Variants in SLC2A7 observed in about 807,000 individuals in gnomAD.
SLC2A7 encodes solute carrier family 2 member 7, also known as solute carrier family 2, facilitated glucose transporter member 7.
In SLC2A7, 50 loss-of-function variants were observed where a neutral mutation model predicts 50.5. The observed-to-expected ratio is 0.99, with a 90% CI of 0.79 to 1.25. The LOEUF (loss-of-function observed/expected upper bound fraction) is 1.25, where lower values mean the gene tolerates loss of function less well. SLC2A7 is among the 50% of genes most tolerant of loss of function. SLC2A7 has a pLI of 0.00. For synonymous variants in SLC2A7, 308 were observed against 300.4 expected (o/e 1.03, Z -0.26); for missense variants, 683 against 679.1 (o/e 1.01, Z -0.06).
intron 5 of SLC2A7, among the ~76,000 whole-genome samples, chr1:9,017,410 G>A (rs1413259243): frequency 0.014 from 7 of 488 alleles, no homozygotes; most frequent in Admixed American, 0.042. Flanking sequence ...GTCATAAAAG[G>A]CCCCCTATTC....
In SLC2A7 at chr1:9,004,516, G is replaced by T. The variant is rs566584444; in HGVS notation, c.1320+236C>A. 2.6e-5 allele frequency among the ~76,000 whole-genome samples: 4 copies of T among 151,712 alleles called. No homozygotes were observed. In the East Asian group the frequency reaches 7.7e-4, roughly 29 times the overall value. ...TGGCGCCTTTGAGCTCCGCGGACCA[G>T]AGCCCCTAAGCAATAGCCCTTTACA... On this transcript the variant is annotated intron_variant, in intron 11 of 11. Coordinates refer to ENST00000400906, the MANE Select transcript of SLC2A7 (RefSeq NM_207420.3).
downstream of SLC2A7, among the ~76,000 whole-genome samples, chr1:8,998,657 C>G (rs1640538550): frequency 6.6e-6 from 1 of 152,116 alleles, no homozygotes; most frequent in Non-Finnish European, 1.5e-5. Context: ...TTGTCAATTT[C>G]TAACCCCATC....
downstream of SLC2A7, among the ~76,000 whole-genome samples, chr1:8,998,445 G>A (rs763822858): frequency 6.6e-6 from 1 of 152,010 alleles, no homozygotes; most frequent in Non-Finnish European, 1.5e-5. Flanking sequence ...GTCTGTATAG[G>A]TGTGGGTCTA....
At chr1:9,019,915 C>G (rs1291531693) in intron 3 of SLC2A7, among the ~76,000 whole-genome samples, 1 of 151,986 alleles carries the variant, frequency 6.6e-6, no homozygotes, top group Non-Finnish European at 1.5e-5. Flanking sequence ...CAGAGCAAGA[C>G]TCCAACTCAA....
Position 9,010,125 on chromosome 1 carries a change from C to G in SLC2A7, c.1116+18G>C. The G allele has an allele frequency of 1.3e-6, 2 of 1,545,222 alleles. No homozygotes were observed. The highest frequency in any genetic ancestry group is 1.8e-6 in the Non-Finnish European group (2 of 1,141,248). On this transcript the variant is annotated intron_variant, in intron 9 of 11. Coordinates refer to ENST00000400906, the MANE Select transcript of SLC2A7 (RefSeq NM_207420.3). ...TCCCCATGACTCCCCACCCAGGGGG[C>G]AGGAAATGAGGTCAGACCTGGAATA... is the stretch of plus-strand genomic sequence containing the variant.
At chr1:9,015,380 T>C (rs1019472451) in intron 5 of SLC2A7, 138 bp from the exon 6 acceptor site, 1 of 1,131,398 alleles carries the variant, frequency 8.8e-7, no homozygotes, top group Non-Finnish European at 1.2e-6. Flanking sequence ...CTCCTACAAA[T>C]GGTTTCCACA....
In SLC2A7 at chr1:9,019,111, G is replaced by A. The variant is rs573529740; in HGVS notation, c.436+98C>T. ...ATGGGAGGACGTCTTGAAATGAAAA[G>A]AGGCAGAGCCAGGCAGACACCTCAT... On this transcript the variant is annotated intron_variant, in intron 4 of 11. Coordinates refer to ENST00000400906, the MANE Select transcript of SLC2A7 (RefSeq NM_207420.3). 28 of 1,484,558 alleles carry A rather than the reference G, an allele frequency of 1.9e-5. 1 individual carries two copies. In the East Asian group the frequency reaches 6.5e-4, roughly 35 times the overall value. 92.0% of individuals were successfully genotyped at this position (1,484,558 alleles called of 1,614,324 possible).
At chr1:8,993,004 G>A in the SLC2A7 span, among the ~76,000 whole-genome samples, 1 of 152,220 alleles carries the variant, frequency 6.6e-6, no homozygotes, top group Non-Finnish European at 1.5e-5. Context: ...TTGCAGATCT[G>A]GGTAAAGGAT....
At position 9,024,966 on chromosome 1, in the gene SLC2A7, T is replaced by A; in HGVS notation, c.150+10A>T. The A allele has an allele frequency of 6.2e-7, 1 of 1,613,738 alleles. No homozygotes were observed. Among genetic ancestry groups the A allele is most frequent in the Non-Finnish European group, 8.5e-7 (1 of 1,179,774 alleles). ...CTGCCCGGCCCACCTTGTGCCCACC[T>A]TGTGCCCACCTTGTGCGGCGTGTTG... On this transcript the variant is annotated intron_variant, in intron 2 of 11. Transcript: ENST00000400906.
chr1:9,010,803 C>T (rs1416654330), intron 8 of SLC2A7, among the ~76,000 whole-genome samples: 2 of 152,202 alleles, frequency 1.3e-5, no homozygotes, highest in African/African-American at 4.8e-5. Context: ...TGGCTCCCTG[C>T]ACCCCTTGCT....
chr1:9,023,949 G>T (rs1037811760), intron 2 of SLC2A7, among the ~76,000 whole-genome samples: 1 of 139,120 alleles, frequency 7.2e-6, no homozygotes, highest in Non-Finnish European at 1.5e-5. Context: ...TCTGATTCCC[G>T]GGTTCAAGTG....
intron 3 of SLC2A7, 104 bp downstream of exon 3, chr1:9,022,814 T>A (rs1012057918): frequency 4.1e-6 from 6 of 1,465,392 alleles, no homozygotes; most frequent in Non-Finnish European, 4.6e-6. Flanking sequence ...TCAGATCTCC[T>A]GATTTTCAGG....
chr1:9,004,808 C>T lies in SLC2A7; in HGVS notation c.1264G>A (p.Gly422Arg), dbSNP rs767254091. Residue 422 changes from glycine to arginine, a missense_variant, in exon 11 of 12, where the codon GGG becomes AGG. By Grantham distance (125) the Gly-to-Arg change is moderately radical (BLOSUM62 -2). Coordinates refer to ENST00000400906, the MANE Select transcript of SLC2A7 (RefSeq NM_207420.3). Reference sequence around the variant, plus strand: ...AAGTTGGTGAGCCAGTGCACTGCCCCGTCCACCATGAAAGCTGCCCGCCGG... The same window carrying T: ...AAGTTGGTGAGCCAGTGCACTGCCCTGTCCACCATGAAAGCTGCCCGCCGG... ...SSRRAAFMVD[G>R]AVHWLTNFII... 2.0e-5 allele frequency: 32 copies of T among 1,614,106 alleles called. No individual in the cohort carries two copies. The highest frequency in any genetic ancestry group is 8.3e-5 in the Admixed American group (5 of 60,010).
At chr1:9,022,839 C>G in intron 3 of SLC2A7, 79 bp downstream of exon 3, 1 of 1,554,734 alleles carries the variant, frequency 6.4e-7, no homozygotes, top group Non-Finnish European at 8.7e-7. Flanking sequence ...CACGTCTCCC[C>G]ACCAGGTGCA....
At chr1:9,015,865 A>T (rs1325491382) in intron 5 of SLC2A7, among the ~76,000 whole-genome samples, 1 of 150,642 alleles carries the variant, frequency 6.6e-6, no homozygotes, top group Non-Finnish European at 1.5e-5. Flanking sequence ...CTGGAACTAC[A>T]CGCGTGCATT....
chr1:9,007,223 C>T (rs1302475645), intron 10 of SLC2A7, 87 bp downstream of exon 10: 3 of 1,473,872 alleles, frequency 2.0e-6, no homozygotes, highest in Non-Finnish European at 1.9e-6. Context: ...TCCATTCACT[C>T]AGCAAATATG....
rs1251617958 is a variant in SLC2A7, at chr1:9,008,333, A to G, written c.1117-948T>C. On this transcript the variant is annotated intron_variant, in intron 9 of 11. Transcript: ENST00000400906. The surrounding 1 kb of genome is among the most constrained non-coding windows in gnomAD (Gnocchi z 5.9). ...TCTGATTCATTTTCAACAAGAAGAG[A>G]AGGCAGGAGGATTGGGGCCATTCAA... Among the ~76,000 whole-genome samples the G allele has an allele frequency of 6.6e-6, 1 of 152,116 alleles. No homozygotes were observed. Among genetic ancestry groups the G allele is most frequent in the Non-Finnish European group, 1.5e-5 (1 of 68,018 alleles).
rs56695243 is a variant in SLC2A7 at position 9,020,560 on chromosome 1, A to ACC, written c.312-1229_312-1228dup. Reference sequence around the variant, plus strand: ...AGCAATGGCTCCTGTGCCCCCCCCCACCCCCCCGCCTTTGGCTTGGGTTTT... The same window carrying ACC: ...AGCAATGGCTCCTGTGCCCCCCCCCACCCCCCCCCGCCTTTGGCTTGGGTTTT... On this transcript the variant is annotated intron_variant, in intron 3 of 11. Transcript: ENST00000400906. Among the ~76,000 whole-genome samples the ACC allele has an allele frequency of 1.1e-3, 60 of 54,272 alleles. 1 individual carries two copies. The East Asian group carries it at 0.02, about 18-fold the overall frequency. The allele number at this position is 54,272 out of a possible 152,430, so 35.6% of individuals were successfully genotyped here. A position where few individuals can be genotyped will look rare whatever the true frequency, so the allele number is the denominator to read the frequency against.
At chr1:8,997,380 A>G in the SLC2A7 span, among the ~76,000 whole-genome samples, 1 of 152,144 alleles carries the variant, frequency 6.6e-6, no homozygotes, top group Admixed American at 6.6e-5. Context: ...TTGTTTTCTT[A>G]TTACTGGGTT....
Sources: gnomAD v4.1 joint callset for allele counts (sites outside exome capture counted in the v4.1 genomes callset) on GRCh38, gnomAD v4.1.1 for gene constraint, Gnocchi (gnomAD v3.1) non-coding constraint, MANE v1.5 for transcripts, NCBI Gene and HGNC (gene_info 2026-07-23, HGNC 2026-07-21) for gene names.